Variants in CACNA2D3 observed in about 807,000 individuals in gnomAD.
CACNA2D3 encodes the protein voltage-dependent calcium channel subunit alpha-2/delta-3.
A neutral mutation model predicts 160.6 loss-of-function variants in CACNA2D3; 60 were observed. That is an observed-to-expected ratio of 0.37 (90% CI 0.30 to 0.46). The LOEUF (loss-of-function observed/expected upper bound fraction) is 0.46, where lower values mean the gene tolerates loss of function less well. Among genes scored for constraint, CACNA2D3 ranks in the 20% least tolerant of loss-of-function variants. The pLI is 1.00. For synonymous variants in CACNA2D3, 558 were observed against 492.9 expected (o/e 1.13, Z -1.75); for missense variants, 1,205 against 1,365.0 (o/e 0.88, Z 1.85).
At chr3:54,889,737 T>G (rs1338675765) in intron 24 of CACNA2D3, among the ~76,000 whole-genome samples, 2 of 152,192 alleles carry the variant, frequency 1.3e-5, no homozygotes, top group African/African-American at 4.8e-5. Flanking sequence ...GGGGTGTCTT[T>G]GAACTGCTTG....
chr3:54,204,030 G>A (rs1396875154), intron 2 of CACNA2D3, among the ~76,000 whole-genome samples: 1 of 151,896 alleles, frequency 6.6e-6, no homozygotes, highest in East Asian at 1.9e-4. Flanking sequence ...GTATCCAAAA[G>A]ACAGAATAAG....
intron 4 of CACNA2D3, among the ~76,000 whole-genome samples, chr3:54,417,136 C>G (rs1699766148): frequency 6.6e-6 from 1 of 152,092 alleles, no homozygotes; most frequent in South Asian, 2.1e-4. Flanking sequence ...TTGTGTCAAT[C>G]AGAAAGTATA....
intron 35 of CACNA2D3, among the ~76,000 whole-genome samples, chr3:55,021,661 G>A (rs1240594195): frequency 2.9e-5 from 4 of 138,362 alleles, no homozygotes; most frequent in African/African-American, 5.6e-5. Flanking sequence ...ATATATATGT[G>A]TGTGTATATA....
intron 4 of CACNA2D3, among the ~76,000 whole-genome samples, chr3:54,500,039 A>G (rs562438537): frequency 3.3e-5 from 5 of 152,228 alleles, no homozygotes; most frequent in East Asian, 1.9e-4. Flanking sequence ...TTGCAGTTCT[A>G]TCAGTCTTTG....
chr3:54,623,276 G>C (rs184006944), intron 9 of CACNA2D3, among the ~76,000 whole-genome samples: 1 of 152,172 alleles, frequency 6.6e-6, no homozygotes, highest in Non-Finnish European at 1.5e-5. Context: ...CCTCCCGTGC[G>C]GTGGCAGGAT....
rs138992655 is a variant in CACNA2D3, at chr3:54,375,815, T to C, written c.322-10900T>C. Among the ~76,000 whole-genome samples the C allele has an allele frequency of 2.6e-3, 399 of 152,152 alleles. 3 individuals carry two copies. The highest frequency in any genetic ancestry group is 9.3e-3 in the African/African-American group (385 of 41,506). ...GCCAACTGGACACTTGTTAGGATGC[T>C]GAGGGTTTCCAGAGAAGAGATGGCC... On this transcript the variant is annotated intron_variant, in intron 3 of 37. Coordinates refer to ENST00000474759, the MANE Select transcript of CACNA2D3 (RefSeq NM_018398.3).
In CACNA2D3 at chr3:54,122,697, G is replaced by A. The variant is rs115882849; in HGVS notation, c.-17G>A. On this transcript the variant is annotated 5_prime_UTR_variant, in exon 1 of 38. Coordinates refer to ENST00000474759, the MANE Select transcript of CACNA2D3 (RefSeq NM_018398.3). Reference sequence around the variant, plus strand: ...CTCTCGTCGCCGCCGCAGCGGGCGCGTCGGAGGGAGCCCAGCATGGCCGGG... The same window carrying A: ...CTCTCGTCGCCGCCGCAGCGGGCGCATCGGAGGGAGCCCAGCATGGCCGGG... 163,627 of 1,140,760 alleles carry A rather than the reference G, an allele frequency of 0.14. 12,562 individuals carry two copies. The highest frequency in any genetic ancestry group is 0.2 in the Middle Eastern group (546 of 2,746). 70.7% of individuals were successfully genotyped at this position (1,140,760 alleles called of 1,614,324 possible). A position where few individuals can be genotyped will look rare whatever the true frequency, so the allele number is the denominator to read the frequency against.
chr3:54,710,274 G>T (rs1700931072), intron 11 of CACNA2D3, among the ~76,000 whole-genome samples: 1 of 152,182 alleles, frequency 6.6e-6, no homozygotes, highest in Non-Finnish European at 1.5e-5. Context: ...AGAAATATTT[G>T]TATTAACGAG....
At chr3:54,343,113 T>C (rs1698390897) in intron 3 of CACNA2D3, among the ~76,000 whole-genome samples, 1 of 152,238 alleles carries the variant, frequency 6.6e-6, no homozygotes, top group African/African-American at 2.4e-5. Flanking sequence ...TAAGCAAATT[T>C]TTAAACTTTT....
intron 2 of CACNA2D3, among the ~76,000 whole-genome samples, chr3:54,171,136 C>CTTTTTTTTTTT (rs57761171): frequency 0.06 from 3,753 of 62,446 alleles, 1,051 homozygotes; most frequent in East Asian, 0.089. Context: ...AAGATGATGA[C>CTTTTTTTTTTT]TTTTTTTTTT....
chr3:54,896,766 G>C lies in CACNA2D3; in HGVS notation c.2264G>C (p.Gly755Ala). ...QLTNQDFLKA[G>A]DKENIFNADH... ...ACTTCAAGGGACTTCCTGAAAGCTGGCGACAAGGAGAACATTTTTAACGCA... is the reference window on the plus strand; with the variant it reads ...ACTTCAAGGGACTTCCTGAAAGCTGCCGACAAGGAGAACATTTTTAACGCA... The change falls in exon 26 of 38, where the codon GGC becomes GCC. Residue 755 changes from glycine to alanine, a missense_variant. By Grantham distance (60) the Gly-to-Ala change is moderately conservative. Around this residue, in one of 3 missense-constraint regions of CACNA2D3, gnomAD observed 911 missense variants for 1,002.2 expected, o/e 0.91. Coordinates refer to ENST00000474759, the MANE Select transcript of CACNA2D3 (RefSeq NM_018398.3). 1.2e-6 allele frequency: 2 copies of C among 1,613,946 alleles called. No homozygotes were observed. Among genetic ancestry groups the C allele is most frequent in the Non-Finnish European group, 1.7e-6 (2 of 1,179,886 alleles).
chr3:54,223,627 G>A (rs1322883826), intron 2 of CACNA2D3, among the ~76,000 whole-genome samples: 1 of 152,048 alleles, frequency 6.6e-6, no homozygotes, highest in East Asian at 1.9e-4. Context: ...AGGCCAAGGT[G>A]GGCAGATCAT....
At chr3:54,677,802 A>G (rs1279010594) in intron 11 of CACNA2D3, among the ~76,000 whole-genome samples, 1 of 152,086 alleles carries the variant, frequency 6.6e-6, no homozygotes, top group Non-Finnish European at 1.5e-5. Flanking sequence ...CACAGGAGTA[A>G]AGTTTGATTG....
intron 2 of CACNA2D3, among the ~76,000 whole-genome samples, chr3:54,256,477 G>A (rs1169397714): frequency 6.6e-6 from 1 of 152,202 alleles, no homozygotes; most frequent in Non-Finnish European, 1.5e-5. Flanking sequence ...TATAGGGGCT[G>A]TCCTGGATAT....
At chr3:54,934,200 A>G (rs1701273616) in intron 27 of CACNA2D3, among the ~76,000 whole-genome samples, 1 of 152,240 alleles carries the variant, frequency 6.6e-6, no homozygotes, top group African/African-American at 2.4e-5. Flanking sequence ...GACAATATTA[A>G]GGGAACCTAT....
intron 4 of CACNA2D3, among the ~76,000 whole-genome samples, chr3:54,447,153 A>G (rs567807968): frequency 1.5e-3 from 226 of 152,328 alleles, no homozygotes; most frequent in Middle Eastern, 6.8e-3. Flanking sequence ...TCAATTCAAA[A>G]TAGATGAAAA....
chr3:54,186,862 C>T (rs1483771764), intron 2 of CACNA2D3, among the ~76,000 whole-genome samples: 7 of 152,298 alleles, frequency 4.6e-5, no homozygotes, highest in South Asian at 4.1e-4. Flanking sequence ...GCCAGGACAG[C>T]GTTGCTCCTG....
chr3:54,316,443 G>A (rs139388244), intron 2 of CACNA2D3, among the ~76,000 whole-genome samples: 1 of 152,272 alleles, frequency 6.6e-6, no homozygotes, highest in African/African-American at 2.4e-5. Context: ...GATTCCAGCA[G>A]TCATTAACAT....
chr3:54,654,127 C>A (rs576469725), intron 11 of CACNA2D3, among the ~76,000 whole-genome samples: 4 of 152,272 alleles, frequency 2.6e-5, no homozygotes, highest in African/African-American at 9.6e-5. Flanking sequence ...CCATATCCAG[C>A]TGTCTCCATA....
Sources: allele counts gnomAD v4.1 joint callset (sites outside exome capture counted in the v4.1 genomes callset), GRCh38; gene constraint gnomAD v4.1.1; regional missense constraint gnomAD v4.1.1; transcripts MANE v1.5; gene names NCBI Gene and HGNC (gene_info 2026-07-23, HGNC 2026-07-21).